Variants in NRXN1 observed in about 807,000 individuals in gnomAD.
NRXN1 encodes neurexin-1.
NRXN1 carries 39 observed loss-of-function variants against 150.9 expected under a neutral mutation model. The ratio of observed to expected loss-of-function variants is 0.26; its 90% CI spans 0.20 to 0.34. NRXN1 has a LOEUF of 0.34. Among genes scored for constraint, NRXN1 ranks in the 10% least tolerant of loss-of-function variants. The pLI is 1.00. For missense variants in NRXN1, 1,815 were observed against 1,949.9 expected (o/e 0.93, Z 1.30); for synonymous variants, 924 against 757.0 (o/e 1.22, Z -3.62).
At chr2:50,972,372 C>A (rs780493979) in intron 2 of NRXN1, among the ~76,000 whole-genome samples, 2 of 152,030 alleles carry the variant, frequency 1.3e-5, no homozygotes, top group Non-Finnish European at 2.9e-5. Context: ...AATCTATATG[C>A]CACTTTGTGG....
chr2:49,973,572 A>C (rs1678344033), intron 21 of NRXN1, among the ~76,000 whole-genome samples: 1 of 152,028 alleles, frequency 6.6e-6, no homozygotes, highest in African/African-American at 2.4e-5. Context: ...GCTTTTATTC[A>C]TGCTTTTACT....
At chr2:50,926,055 C>A (rs1686826636) in intron 2 of NRXN1, 100 bp from the exon 3 acceptor site, 2 of 865,768 alleles carry the variant, frequency 2.3e-6, no homozygotes, top group Non-Finnish European at 3.8e-6. Context: ...TGCAAGGCAC[C>A]AAACACATCA....
At chr2:50,318,304 T>C (rs1350281003) in intron 17 of NRXN1, among the ~76,000 whole-genome samples, 2 of 152,070 alleles carry the variant, frequency 1.3e-5, no homozygotes, top group Non-Finnish European at 2.9e-5. Context: ...ATTTAAAAGT[T>C]TAGATGAGAA....
chr2:50,839,433 T>C (rs1410472512), intron 5 of NRXN1, among the ~76,000 whole-genome samples: 1 of 152,178 alleles, frequency 6.6e-6, no homozygotes, highest in African/African-American at 2.4e-5. Context: ...GTTTGAATTA[T>C]TGTAACCTCC....
At chr2:50,156,070 T>C (rs1037443829) in intron 18 of NRXN1, among the ~76,000 whole-genome samples, 2 of 151,778 alleles carry the variant, frequency 1.3e-5, no homozygotes, top group African/African-American at 4.8e-5. Context: ...GGTGAGATTA[T>C]AAATTATTTT....
At chr2:50,578,918 C>T (rs1671836470) in intron 8 of NRXN1, among the ~76,000 whole-genome samples, 1 of 152,120 alleles carries the variant, frequency 6.6e-6, no homozygotes, top group Non-Finnish European at 1.5e-5. Flanking sequence ...CTACAACTTG[C>T]TCTCAACACT....
chr2:50,872,127 T>G (rs72891320), intron 5 of NRXN1, among the ~76,000 whole-genome samples: 12,938 of 151,964 alleles, frequency 0.085, 573 homozygotes, highest in Middle Eastern at 0.14. Context: ...TGTGTGTGTA[T>G]GCATGTGACA....
intron 5 of NRXN1, among the ~76,000 whole-genome samples, chr2:50,739,590 T>C (rs1179398965): frequency 6.6e-6 from 1 of 152,158 alleles, no homozygotes; most frequent in Non-Finnish European, 1.5e-5. Flanking sequence ...TAAAACAAGC[T>C]TTTATCGGCT....
intron 2 of NRXN1, among the ~76,000 whole-genome samples, chr2:51,027,245 G>C (rs1187228812): frequency 1.3e-5 from 2 of 152,194 alleles, no homozygotes; most frequent in South Asian, 4.1e-4. Flanking sequence ...TTGCCACTTG[G>C]AAGGGAGTAG....
At chr2:50,387,755 G>C (rs1188183782) in intron 17 of NRXN1, among the ~76,000 whole-genome samples, 1 of 152,030 alleles carries the variant, frequency 6.6e-6, no homozygotes, top group African/African-American at 2.4e-5. Context: ...AAAAAAACAG[G>C]TCCTGTTAAT....
chr2:50,799,608 C>T (rs1044478375), intron 5 of NRXN1, among the ~76,000 whole-genome samples: 38 of 152,168 alleles, frequency 2.5e-4, no homozygotes, highest in African/African-American at 8.9e-4. Flanking sequence ...CTGTTTCTCA[C>T]TTTCAGTACA....
rs149532472 is a variant in NRXN1 at position 50,520,227 on chromosome 2, G to A, written c.2374+8398C>T. Among the ~76,000 whole-genome samples the A allele has an allele frequency of 6.6e-5, 10 of 151,736 alleles. No homozygotes were observed. The South Asian group carries it at 1.0e-3, about 16-fold the overall frequency. On this transcript the variant is annotated intron_variant, in intron 12 of 22. Coordinates refer to ENST00000401669, the MANE Select transcript of NRXN1 (RefSeq NM_001330078.2). The stretch of plus-strand genomic sequence containing the variant: ...AAATATGAATACTATTTCTGATTAG[G>A]AACAAAATGTTGTTCTGAAAGATAT...
At chr2:50,713,900 T>C (rs190959400) in intron 5 of NRXN1, among the ~76,000 whole-genome samples, 1 of 152,248 alleles carries the variant, frequency 6.6e-6, no homozygotes, top group East Asian at 1.9e-4. Flanking sequence ...TTTTTATATG[T>C]TTATTATAAC....
intron 13 of NRXN1, among the ~76,000 whole-genome samples, chr2:50,498,661 G>C (rs2104929350): frequency 6.6e-6 from 1 of 152,224 alleles, no homozygotes; most frequent in African/African-American, 2.4e-5. Flanking sequence ...CATTTTACCT[G>C]TTTGCAAGGT....
intron 21 of NRXN1, among the ~76,000 whole-genome samples, chr2:49,994,908 A>T (rs114078659): frequency 0.019 from 2,917 of 152,324 alleles, 105 homozygotes; most frequent in African/African-American, 0.066. Context: ...GAGAAACAGG[A>T]TTCTGTCACA....
chr2:50,389,962 A>G (rs937019948), intron 17 of NRXN1, among the ~76,000 whole-genome samples: 14 of 152,204 alleles, frequency 9.2e-5, no homozygotes, highest in Non-Finnish European at 1.5e-5. Context: ...TTAAAATTTC[A>G]GACTGGCATG....
intron 21 of NRXN1, among the ~76,000 whole-genome samples, chr2:49,961,301 A>C (rs1013064461): frequency 6.6e-6 from 1 of 150,718 alleles, no homozygotes; most frequent in Non-Finnish European, 1.5e-5. Flanking sequence ...CCCATCTTCC[A>C]AAATGCCTGC....
At chr2:50,434,263 TG>T (rs1451488775) in intron 17 of NRXN1, among the ~76,000 whole-genome samples, 1 of 151,734 alleles carries the variant, frequency 6.6e-6, no homozygotes, top group Non-Finnish European at 1.5e-5. Flanking sequence ...TGCTTTTTTT[TG>T]GTAGAGACAG....
intron 8 of NRXN1, among the ~76,000 whole-genome samples, chr2:50,570,701 C>A (rs1670540540): frequency 6.6e-6 from 1 of 151,906 alleles, no homozygotes; most frequent in African/African-American, 2.4e-5. Flanking sequence ...TGGAGGAAAA[C>A]AACCTATTTG....
Sources: allele counts gnomAD v4.1 joint callset (sites outside exome capture counted in the v4.1 genomes callset), GRCh38; gene constraint gnomAD v4.1.1; transcripts MANE v1.5; gene names NCBI Gene and HGNC (gene_info 2026-07-23, HGNC 2026-07-21).